Variants in DCC observed in about 807,000 individuals in gnomAD.
DCC encodes DCC netrin 1 receptor.
A neutral mutation model predicts 172.5 loss-of-function variants in DCC; 58 were observed. The ratio of observed to expected loss-of-function variants is 0.34; its 90% CI spans 0.27 to 0.42. DCC has a LOEUF of 0.42. Among genes scored for constraint, DCC ranks in the 10% least tolerant of loss-of-function variants. The pLI is 1.00. For missense variants in DCC, 1,740 were observed against 1,791.0 expected, an observed-to-expected ratio of 0.97 and a Z score of 0.51; for synonymous variants, 709 against 644.5, an observed-to-expected ratio of 1.10 and a Z score of -1.52.
intron 1 of DCC, among the ~76,000 whole-genome samples, chr18:52,656,717 G>T (rs978670798): frequency 5.9e-5 from 9 of 151,872 alleles, no homozygotes; most frequent in Non-Finnish European, 1.2e-4. Context: ...GCACTCCAGG[G>T]CCTTGACTTT....
chr18:52,727,362 T>G (rs1179677734), intron 1 of DCC, among the ~76,000 whole-genome samples: 1 of 152,168 alleles, frequency 6.6e-6, no homozygotes, highest in African/African-American at 2.4e-5. Context: ...AATTAGAAAG[T>G]TTCCAAGAGT....
intron 12 of DCC, among the ~76,000 whole-genome samples, chr18:53,304,363 C>T (rs12955696): frequency 0.15 from 22,301 of 151,224 alleles, 2,299 homozygotes; most frequent in African/African-American, 0.28. Flanking sequence ...GATATGACTG[C>T]TTTTTTTTTC....
intron 1 of DCC, among the ~76,000 whole-genome samples, chr18:52,449,444 A>T (rs1231287046): frequency 6.6e-6 from 1 of 152,238 alleles, no homozygotes; most frequent in Non-Finnish European, 1.5e-5. Context: ...TCCTTAGAGC[A>T]ATATTTGGTC....
chr18:53,116,645 A>G (rs2144273045), intron 7 of DCC, among the ~76,000 whole-genome samples: 1 of 151,848 alleles, frequency 6.6e-6, no homozygotes, highest in African/African-American at 2.4e-5. Flanking sequence ...CTTGGGTTTC[A>G]GATCAGGAAT....
intron 13 of DCC, among the ~76,000 whole-genome samples, chr18:53,312,105 C>T (rs373469660): frequency 2.0e-5 from 3 of 146,530 alleles, no homozygotes; most frequent in East Asian, 4.0e-4. Flanking sequence ...GTCAAGAGAT[C>T]GAGACCATCC....
intron 1 of DCC, among the ~76,000 whole-genome samples, chr18:52,702,043 G>A (rs1269451805): frequency 6.6e-6 from 1 of 152,114 alleles, no homozygotes; most frequent in South Asian, 2.1e-4. Flanking sequence ...AAGCCCTGGG[G>A]GGTAATGGCA....
chr18:53,013,603 A>T (rs1182432581), intron 5 of DCC, among the ~76,000 whole-genome samples: 2 of 151,910 alleles, frequency 1.3e-5, no homozygotes, highest in African/African-American at 4.8e-5. Flanking sequence ...TGGGGCTTAA[A>T]TCCTAGATGA....
chr18:52,878,420 T>C (rs1568163869), intron 2 of DCC, among the ~76,000 whole-genome samples: 3 of 152,198 alleles, frequency 2.0e-5, no homozygotes, highest in Non-Finnish European at 2.9e-5. Flanking sequence ...GACTTTAGAG[T>C]AGGTTTTGGG....
At chr18:53,373,748 T>G (rs1232058189) in intron 15 of DCC, among the ~76,000 whole-genome samples, 1 of 152,150 alleles carries the variant, frequency 6.6e-6, no homozygotes, top group East Asian at 1.9e-4. Flanking sequence ...AGCACAGAAT[T>G]GAAAATCATG....
At chr18:53,094,610 T>A (rs764525492) in intron 7 of DCC, among the ~76,000 whole-genome samples, 1 of 152,228 alleles carries the variant, frequency 6.6e-6, no homozygotes, top group Non-Finnish European at 1.5e-5. Context: ...TTGATGGAAT[T>A]TTATAGAATA....
chr18:52,558,040 G>A (rs898489727), intron 1 of DCC, among the ~76,000 whole-genome samples: 3 of 151,964 alleles, frequency 2.0e-5, no homozygotes, highest in African/African-American at 7.2e-5. Flanking sequence ...GTGTTCTTAT[G>A]TTTTCCTTCA....
intron 5 of DCC, among the ~76,000 whole-genome samples, chr18:53,048,063 A>C (rs2042281335): frequency 6.6e-6 from 1 of 151,878 alleles, no homozygotes; most frequent in African/African-American, 2.4e-5. Flanking sequence ...TCTTTGTTTA[A>C]ATAGCCTTTT....
chr18:53,366,389 G>A (rs973670203), intron 15 of DCC, among the ~76,000 whole-genome samples: 9 of 151,874 alleles, frequency 5.9e-5, no homozygotes, highest in African/African-American at 1.9e-4. Context: ...AAATTTCATC[G>A]TTTAGCTAGT....
intron 16 of DCC, among the ~76,000 whole-genome samples, chr18:53,387,030 C>T (rs1908216568): frequency 6.6e-6 from 1 of 152,148 alleles, no homozygotes; most frequent in South Asian, 2.1e-4. Flanking sequence ...CTTCGGACGT[C>T]GTTTAACTTG....
At chr18:52,783,321 C>CTT (rs1568100450) in intron 2 of DCC, among the ~76,000 whole-genome samples, 1 of 62,122 alleles carries the variant, frequency 1.6e-5, no homozygotes, top group African/African-American at 6.3e-5. Flanking sequence ...TATACTACTA[C>CTT]TCTTTTTTTT....
Position 52,681,313 on chromosome 18 carries a change from G to A in DCC, c.92-70741G>A, listed in dbSNP as rs2035747154. Among the ~76,000 whole-genome samples the A allele has an allele frequency of 2.6e-5, 4 of 151,884 alleles. No homozygotes were observed. In the South Asian group the frequency reaches 8.3e-4, roughly 31 times the overall value. On this transcript the variant is annotated intron_variant, in intron 1 of 28. Transcript: ENST00000442544. ...TCCGTCCATTGCTCTGAATCCTTAG[G>A]ACACATTTATCTACATATCAACTAT...
intron 1 of DCC, among the ~76,000 whole-genome samples, chr18:52,487,765 T>C (rs2030297091): frequency 7.3e-6 from 1 of 136,978 alleles, no homozygotes; most frequent in African/African-American, 2.7e-5. Flanking sequence ...GAGTTTAGAT[T>C]GTGCCGCTGC....
chr18:52,636,864 C>A (rs2034790373), intron 1 of DCC, among the ~76,000 whole-genome samples: 1 of 152,154 alleles, frequency 6.6e-6, no homozygotes, highest in Non-Finnish European at 1.5e-5. Flanking sequence ...AGGAGGCCAA[C>A]CAACACAAAA....
At chr18:52,575,366 C>T (rs559100552) in intron 1 of DCC, among the ~76,000 whole-genome samples, 2 of 152,044 alleles carry the variant, frequency 1.3e-5, no homozygotes, top group Non-Finnish European at 2.9e-5. Flanking sequence ...GATAGAGGTG[C>T]GTTATACTCA....
Sources: allele counts gnomAD v4.1 joint callset (sites outside exome capture counted in the v4.1 genomes callset), GRCh38; gene constraint gnomAD v4.1.1; transcripts MANE v1.5; gene names NCBI Gene and HGNC (gene_info 2026-07-23, HGNC 2026-07-21).